Variants in MIB2 observed in about 807,000 individuals in gnomAD.
MIB2 encodes E3 ubiquitin-protein ligase MIB2.
In MIB2, 78 loss-of-function variants were observed where a neutral mutation model predicts 96.6. The ratio of observed to expected loss-of-function variants is 0.81; its 90% CI spans 0.67 to 0.97. The LOEUF (loss-of-function observed/expected upper bound fraction) is 0.97, where lower values mean the gene tolerates loss of function less well. MIB2 is among the 50% of genes least tolerant of loss of function. The probability of loss-of-function intolerance (pLI) is 0.00; values close to 1 mark genes in which losing one functional copy is unlikely to be tolerated. For missense variants in MIB2, 1,543 were observed against 1,424.0 expected (o/e 1.08, Z -1.35); for synonymous variants, 820 against 629.5 (o/e 1.30, Z -4.53).
upstream of MIB2, chr1:1,613,879 T>C (rs908149871): frequency 4.6e-5 from 7 of 152,058 alleles, no homozygotes; most frequent in African/African-American, 1.7e-4. Flanking sequence ...TGCAGCCGGG[T>C]CAGGAAGTGA....
At position 1,629,280 on chromosome 1, in the gene MIB2, A is replaced by C. The variant is rs762977128; in HGVS notation, c.2350A>C (p.Lys784Gln). Residue 784 changes from lysine (K) to glutamine (Q), a missense_variant, in exon 17 of 20, where the codon AAG becomes CAG. Lys to Gln is a moderately conservative substitution (Grantham distance 53). Coordinates refer to ENST00000355826, the MANE Select transcript of MIB2 (RefSeq NM_001170687.4). The stretch of plus-strand genomic sequence containing the variant: ...CCTGGCCGCCGAGGGTCGCGTGCTC[A>C]AGGCCCTTCAGGGCTGCGCCCAGCG... Reference protein sequence around the residue: ...LDLAAEGRVLKALQGCAQRFR... With the variant: ...LDLAAEGRVLQALQGCAQRFR... The C allele has an allele frequency of 6.5e-6, 10 of 1,540,628 alleles. No homozygotes were observed. Among genetic ancestry groups the C allele is most frequent in the Non-Finnish European group, 6.9e-6 (8 of 1,155,960 alleles).
rs866781511 is a variant in MIB2, at chr1:1,625,643, C to T, written c.962C>T (p.Ala321Val). The T allele has an allele frequency of 2.2e-5, 34 of 1,560,064 alleles. No homozygotes were observed. The highest frequency in any genetic ancestry group is 1.8e-4 in the African/African-American group (13 of 73,582). The change falls in exon 8 of 20, where the codon GCG becomes GTG. Residue 321 changes from alanine (A) to valine (V), a missense_variant. Physicochemically the swap from Ala to Val is moderately conservative, Grantham distance 64. Transcript: ENST00000355826. This position sits in a 1 kb window ranked among gnomAD's most constrained non-coding sequence, Gnocchi z 5.0. Reference protein sequence around the residue: ...HETRWTFHPGALTKHHSFWVG... With the variant: ...HETRWTFHPGVLTKHHSFWVG... The stretch of plus-strand genomic sequence containing the variant: ...ACGCGCTGGACCTTCCACCCCGGGG[C>T]GCTCACCAAGGTGCCGGGGGGGCTG...
rs1209376094 is a variant in MIB2, at chr1:1,630,588, AAAAG to A, written c.*64_*67del. 1.0e-5 allele frequency: 14 copies of A among 1,353,260 alleles called. No individual in the cohort carries two copies. Among genetic ancestry groups the A allele is most frequent in the Middle Eastern group, 1.8e-4 (1 of 5,444 alleles). 83.8% of individuals were successfully genotyped at this position (1,353,260 alleles called of 1,614,324 possible). ...GCGTGCCCCCGCCCTGTGTTTTATA[AAAAG>A]AAAGATTCTCGGACGTTGCCTCTGC... On this transcript the variant is annotated 3_prime_UTR_variant, in exon 20 of 20. Transcript: ENST00000355826.
Position 1,630,439 on chromosome 1 carries a change from G to A in MIB2, c.2777G>A (p.Gly926Asp). The change falls in exon 20 of 20, where the codon GGC (glycine) becomes GAC (aspartate). Residue 926 changes from glycine to aspartate, a missense_variant. Gly to Asp is a moderately conservative substitution (Grantham distance 94). Transcript: ENST00000355826. Reference sequence around the variant, plus strand: ...CACATCCGCCTCGTGTTCCAGTGCGGCCACGGCGCATGCGCCCCCTGCGGC... The same window carrying A: ...CACATCCGCCTCGTGTTCCAGTGCGACCACGGCGCATGCGCCCCCTGCGGC... Reference protein sequence around the residue: ...DSHIRLVFQCGHGACAPCGSA... With the variant: ...DSHIRLVFQCDHGACAPCGSA... 3 of 1,589,450 alleles carry A rather than the reference G, an allele frequency of 1.9e-6. No individual in the cohort carries two copies. Among genetic ancestry groups the A allele is most frequent in the Non-Finnish European group, 2.6e-6 (3 of 1,170,374 alleles).
upstream of MIB2, chr1:1,614,290 C>G (rs2100252274): frequency 6.6e-6 from 1 of 152,320 alleles, no homozygotes; most frequent in Non-Finnish European, 1.5e-5. Context: ...ACAAGACGCT[C>G]CTGCACGTCC....
At chr1:1,617,267 A>T (rs1643835093) in intron 2 of MIB2, 1 of 152,452 alleles carries the variant, frequency 6.6e-6, no homozygotes, top group Non-Finnish European at 1.5e-5. Flanking sequence ...CCTCATGTCC[A>T]GTTCCATGTA....
intron 2 of MIB2, 134 bp downstream of exon 2, chr1:1,616,748 C>T (rs1570466016): frequency 1.5e-6 from 1 of 676,210 alleles, no homozygotes; most frequent in Non-Finnish European, 2.5e-6. Context: ...GTGAGTAATC[C>T]CGCGTCTCCT....
At position 1,624,808 on chromosome 1, in the gene MIB2, C is replaced by G; in HGVS notation, c.433C>G (p.Pro145Ala). The change falls in exon 5 of 20, where the codon CCC (proline) becomes GCC (alanine). Residue 145 changes from proline (P) to alanine (A), a missense_variant. Pro to Ala is a conservative substitution (Grantham distance 27, BLOSUM62 -1). Transcript: ENST00000355826. ...TAHSRPVTLS[P>A]RQGLPRIPLR... ...ACCCTCTTGCAGTGTCACACTGAGT[C>G]CCCGCCAGGGCCTCCCGAGGATCCC... 6.2e-7 allele frequency: 1 copy of G among 1,612,854 alleles called. No homozygotes were observed. The highest frequency in any genetic ancestry group is 8.5e-7 in the Non-Finnish European group (1 of 1,179,922).
chr1:1,623,358 A>T, intron 2 of MIB2, 73 bp from the exon 3 acceptor site: 2 of 1,566,754 alleles, frequency 1.3e-6, no homozygotes, highest in Non-Finnish European at 1.7e-6. Flanking sequence ...GGAGTGTCCC[A>T]TGGTGGCCTG....
In MIB2 at chr1:1,630,570, C is replaced by T. The variant is rs758987205; in HGVS notation, c.*40C>T. 7.0e-7 allele frequency: 1 copy of T among 1,436,950 alleles called. No individual in the cohort carries two copies. The highest frequency in any genetic ancestry group is 9.3e-7 in the Non-Finnish European group (1 of 1,076,804). The allele number at this position is 1,436,950 out of a possible 1,614,324, so 89.0% of individuals were successfully genotyped here. On this transcript the variant is annotated 3_prime_UTR_variant, in exon 20 of 20. Transcript: ENST00000355826. ...CGCGCCCGAGCTGCCTTCGCGTGCC[C>T]CCGCCCTGTGTTTTATAAAAAGAAA...
chr1:1,627,246 G>T, intron 11 of MIB2, 39 bp downstream of exon 11: 1 of 1,612,730 alleles, frequency 6.2e-7, no homozygotes, highest in Non-Finnish European at 8.5e-7. Flanking sequence ...TGGCCAGTCT[G>T]AGAGTGAGGG....
In MIB2 at chr1:1,627,141, G is replaced by A; in HGVS notation, c.1308G>A (p.Leu436=). 1.3e-6 allele frequency: 2 copies of A among 1,593,568 alleles called. No individual in the cohort carries two copies. Among genetic ancestry groups the A allele is most frequent in the Non-Finnish European group, 1.7e-6 (2 of 1,170,522 alleles). The change falls in exon 11 of 20, where the codon CTG becomes CTA. Residue 436 remains leucine (L), a synonymous_variant. Coordinates refer to ENST00000355826, the MANE Select transcript of MIB2 (RefSeq NM_001170687.4). ...QKSDPEHPGR[L]VVEVALGNAA... is the part of the protein sequence containing the mutation. Reference sequence around the variant, plus strand: ...GTGACCCAGAGCACCCGGGAAGGCTGGTGGTGGAGGTGGCGCTGGGTAACG... The same window carrying A: ...GTGACCCAGAGCACCCGGGAAGGCTAGTGGTGGAGGTGGCGCTGGGTAACG...
At chr1:1,615,656 TC>T (rs949126130) in intron 1 of MIB2, 23 bp downstream of exon 1, 17 of 1,565,138 alleles carry the variant, frequency 1.1e-5, no homozygotes, top group Admixed American at 5.4e-5. Flanking sequence ...GCGGATCTCC[TC>T]CCCTGGTCCT....
chr1:1,623,061 T>A, intron 2 of MIB2: 1 of 377,544 alleles, frequency 2.6e-6, no homozygotes, highest in Non-Finnish European at 4.8e-6. Flanking sequence ...ACGGCAGCTC[T>A]TACTTTAGTG....
chr1:1,627,652 T>C lies in MIB2; in HGVS notation c.1524-21T>C, dbSNP rs1469931413. ...GCCACCGGGCCCGGCGCCCTCCCTCTCCCACTTCCTCTCCTGTCAGGAACC... is the reference window on the plus strand; with the variant it reads ...GCCACCGGGCCCGGCGCCCTCCCTCCCCCACTTCCTCTCCTGTCAGGAACC... On this transcript the variant is annotated intron_variant, in intron 12 of 19. Transcript: ENST00000355826. The C allele has an allele frequency of 1.9e-6, 3 of 1,585,716 alleles. No individual in the cohort carries two copies. In the African/African-American group the frequency reaches 4.0e-5, roughly 21 times the overall value.
chr1:1,626,894 G>A lies in MIB2; in HGVS notation c.1135G>A (p.Ala379Thr). Residue 379 changes from alanine to threonine, a missense_variant, in exon 10 of 20, where the codon GCA becomes ACA. Transcript: ENST00000355826. The surrounding 1 kb of genome is among the most constrained non-coding windows in gnomAD (Gnocchi z 5.3). Reference sequence around the variant, plus strand: ...GTTTGGAGACGGGAACCTGCGTGTAGCAGTCGCTGGTCAGCGGTGGACCTT... The same window carrying A: ...GTTTGGAGACGGGAACCTGCGTGTAACAGTCGCTGGTCAGCGGTGGACCTT... ...KVFGDGNLRV[A>T]VAGQRWTFSP... 2 of 1,607,258 alleles carry A rather than the reference G, an allele frequency of 1.2e-6. No homozygotes were observed. The highest frequency in any genetic ancestry group is 1.7e-6 in the Non-Finnish European group (2 of 1,179,558).
rs773207420 is a variant in MIB2, at chr1:1,628,609, G to A, written c.2089G>A (p.Glu697Lys). Residue 697 changes from glutamate to lysine, a missense_variant, in exon 16 of 20, where the codon GAG (glutamate) becomes AAG (lysine). Physicochemically the swap from Glu to Lys is moderately conservative, Grantham distance 56 (BLOSUM62 1). Coordinates refer to ENST00000355826, the MANE Select transcript of MIB2 (RefSeq NM_001170687.4). ...LVDAGCSVNA[E>K]DEEGDTALHV... ...GGACGCTGGGTGCAGTGTCAACGCCGAGGACGAGGAGGGGGACACAGCCCT... is the reference window on the plus strand; with the variant it reads ...GGACGCTGGGTGCAGTGTCAACGCCAAGGACGAGGAGGGGGACACAGCCCT... 8.1e-6 allele frequency: 13 copies of A among 1,598,684 alleles called. No homozygotes were observed. The East Asian group carries it at 9.0e-5, about 11-fold the overall frequency.
chr1:1,615,227 G>A, upstream of MIB2: 1 of 789,842 alleles, frequency 1.3e-6, no homozygotes, highest in African/African-American at 1.9e-5. Flanking sequence ...GGTGGAGTCG[G>A]AAAGAGGTGG....
chr1:1,625,551 C>T lies in MIB2; in HGVS notation c.870C>T (p.Ile290=), dbSNP rs773870112. The part of the protein sequence containing the change: ...GGWNPRMAEF[I]GQTGTVHRIT... Reference sequence around the variant, plus strand: ...AGCTCCATGACCCGCCACAGTTTATCGGACAGACGGGCACCGTGCATCGTA... The same window carrying T: ...AGCTCCATGACCCGCCACAGTTTATTGGACAGACGGGCACCGTGCATCGTA... The change falls in exon 8 of 20, where the codon ATC becomes ATT. Residue 290 remains isoleucine (I), a synonymous_variant. Coordinates refer to ENST00000355826, the MANE Select transcript of MIB2 (RefSeq NM_001170687.4). The surrounding 1 kb of genome is among the most constrained non-coding windows in gnomAD (Gnocchi z 5.0). 3.5e-5 allele frequency: 55 copies of T among 1,575,676 alleles called. No homozygotes were observed. Among genetic ancestry groups the T allele is most frequent in the South Asian group, 2.5e-4 (22 of 86,558 alleles).
Sources: gnomAD v4.1 joint callset for allele counts on GRCh38, gnomAD v4.1.1 for gene constraint, Gnocchi (gnomAD v3.1) non-coding constraint, MANE v1.5 for transcripts, NCBI Gene and HGNC (gene_info 2026-07-23, HGNC 2026-07-21) for gene names.